The following LPGAT1 variants were observed in gnomAD, a reference collection of about 807,000 sequenced individuals.
LPGAT1 encodes the protein acyl-CoA:lysophosphatidylglycerol acyltransferase 1.
Under a neutral mutation model 47.5 loss-of-function variants are expected in LPGAT1, and 11 were observed. That is an observed-to-expected ratio of 0.23 (90% CI 0.15 to 0.38). The LOEUF is 0.38. Among genes scored for constraint, LPGAT1 ranks in the 10% least tolerant of loss-of-function variants. The probability of loss-of-function intolerance (pLI) is 1.00; values close to 1 mark genes in which losing one functional copy is unlikely to be tolerated. For synonymous variants in LPGAT1, 138 were observed against 144.2 expected (o/e 0.96, Z 0.31); for missense variants, 293 against 439.0 (o/e 0.67, Z 2.97).
At chr1:211,791,494 A>C (rs1349296952) in intron 3 of LPGAT1, among the ~76,000 whole-genome samples, 3 of 152,172 alleles carry the variant, frequency 2.0e-5, no homozygotes, top group Non-Finnish European at 2.9e-5. Context: ...CTGTAATCCC[A>C]GTACTATGGG....
In LPGAT1 at chr1:211,787,813, A is replaced by T. The variant is rs954981336; in HGVS notation, c.358-86T>A. 1.3e-4 allele frequency: 100 copies of T among 770,520 alleles called. 1 individual carries two copies. Among genetic ancestry groups the T allele is most frequent in the Admixed American group, 1.4e-4 (5 of 36,864 alleles). 47.7% of individuals were successfully genotyped at this position (770,520 alleles called of 1,614,324 possible). On this transcript the variant is annotated intron_variant, in intron 3 of 7. Coordinates refer to ENST00000366997, the MANE Select transcript of LPGAT1 (RefSeq NM_014873.3). ...GAGTCTCCAAGCTTTAAATATAATC[A>T]TCCAAGCATACTTTTAATTAACCAA... is the stretch of plus-strand genomic sequence containing the variant.
At chr1:211,811,049 T>G (rs532173804) in intron 2 of LPGAT1, among the ~76,000 whole-genome samples, 1 of 152,316 alleles carries the variant, frequency 6.6e-6, no homozygotes, top group Middle Eastern at 3.4e-3. Flanking sequence ...GGAGACACTA[T>G]TCAGCTCTAG....
chr1:211,811,590 C>G (rs1235975510), intron 2 of LPGAT1, among the ~76,000 whole-genome samples: 1 of 152,162 alleles, frequency 6.6e-6, no homozygotes, highest in Non-Finnish European at 1.5e-5. Flanking sequence ...AACTCCGTCT[C>G]TACAAAAAAT....
Position 211,798,230 on chromosome 1 carries a change from A to G in LPGAT1, c.239-5040T>C, listed in dbSNP as rs906880378. 4.7e-4 allele frequency among the ~76,000 whole-genome samples: 71 copies of G among 152,232 alleles called. 1 individual carries two copies. The highest frequency in any genetic ancestry group is 1.7e-3 in the African/African-American group (70 of 41,454). ...TCATTTTCTCACTTATGAAACAATA[A>G]TATCATTAATGCTACGTAAACATGT... On this transcript the variant is annotated intron_variant, in intron 2 of 7. Transcript: ENST00000366997.
At chr1:211,784,553 A>G (rs1465664094) in intron 4 of LPGAT1, among the ~76,000 whole-genome samples, 1 of 151,914 alleles carries the variant, frequency 6.6e-6, no homozygotes, top group Non-Finnish European at 1.5e-5. Flanking sequence ...AAAAGACCAC[A>G]GGAGATAAGT....
chr1:211,830,184 T>TCGGCGGGCGCGGA lies in LPGAT1; in HGVS notation c.-28+376_-28+388dup, dbSNP rs1660683365. The TCGGCGGGCGCGGA allele has an allele frequency of 6.1e-6, 6 of 982,478 alleles. No individual in the cohort carries two copies. Among genetic ancestry groups the TCGGCGGGCGCGGA allele is most frequent in the Non-Finnish European group, 7.2e-6 (6 of 828,966 alleles). The allele number at this position is 982,478 out of a possible 1,614,324, so 60.9% of individuals were successfully genotyped here. A position where few individuals can be genotyped will look rare whatever the true frequency, so the allele number is the denominator to read the frequency against. The stretch of plus-strand genomic sequence containing the variant: ...GCGCGGCCCGCGCGCCGGGCTCACC[T>TCGGCGGGCGCGGA]CGGCGGGCGCGGACGGCGGGCGGCT... On this transcript the variant is annotated intron_variant, in intron 1 of 7. Coordinates refer to ENST00000366997, the MANE Select transcript of LPGAT1 (RefSeq NM_014873.3). This position sits in a 1 kb window ranked among gnomAD's most constrained non-coding sequence, Gnocchi z 5.9.
rs149156968 is a variant in LPGAT1, at chr1:211,749,932, G to A, written c.1080C>T (p.Asn360=). Residue 360 remains asparagine, a synonymous_variant, in exon 8 of 8, where the codon AAC becomes AAT. Coordinates refer to ENST00000366997, the MANE Select transcript of LPGAT1 (RefSeq NM_014873.3). ...FAFLSGYMWY[N]IIQYFYHCLF is the part of the protein sequence containing the mutation. ...GGCAATGGTAAAAATACTGAATGAT[G>A]TTGTACCACATATAGCCTGACAAAA... is the stretch of plus-strand genomic sequence containing the variant. 4 of 1,614,004 alleles carry A rather than the reference G, an allele frequency of 2.5e-6. No homozygotes were observed. The highest frequency in any genetic ancestry group is 3.4e-6 in the Non-Finnish European group (4 of 1,179,948).
chr1:211,772,833 G>C (rs1658236746), intron 6 of LPGAT1, among the ~76,000 whole-genome samples: 1 of 152,118 alleles, frequency 6.6e-6, no homozygotes, highest in Non-Finnish European at 1.5e-5. Flanking sequence ...CCCCTAAAAT[G>C]TATAAAAACT....
chr1:211,766,186 C>T (rs1657905961), intron 6 of LPGAT1, among the ~76,000 whole-genome samples: 2 of 152,130 alleles, frequency 1.3e-5, no homozygotes. Flanking sequence ...GGCTTTCAGA[C>T]TTAGACTAGA....
chr1:211,796,596 A>C (rs1490954033), intron 2 of LPGAT1, among the ~76,000 whole-genome samples: 1 of 151,996 alleles, frequency 6.6e-6, no homozygotes, highest in Non-Finnish European at 1.5e-5. Flanking sequence ...CTGCTGTAAA[A>C]CCCACTTTGT....
chr1:211,783,117 C>T (rs1017101338), intron 5 of LPGAT1, 112 bp downstream of exon 5: 2 of 965,992 alleles, frequency 2.1e-6, no homozygotes, highest in Non-Finnish European at 2.9e-6. Context: ...TCATCTTCTC[C>T]CTATTATTTT....
Position 211,830,369 on chromosome 1 carries a change from C to G in LPGAT1, c.-28+204G>C. 1.7e-6 allele frequency: 2 copies of G among 1,163,056 alleles called. No homozygotes were observed. Among genetic ancestry groups the G allele is most frequent in the South Asian group, 8.7e-5 (2 of 22,944 alleles). The allele number at this position is 1,163,056 out of a possible 1,614,324, so 72.0% of individuals were successfully genotyped here. ...GACGGCGGGGACTCAGAGGCCGGAC[C>G]TGTCACCCGGGCGGGTCCCGGGGAG... On this transcript the variant is annotated intron_variant, in intron 1 of 7. Transcript: ENST00000366997. This position sits in a 1 kb window ranked among gnomAD's most constrained non-coding sequence, Gnocchi z 5.9.
At chr1:211,781,655 C>T (rs1658648867) in intron 5 of LPGAT1, among the ~76,000 whole-genome samples, 1 of 152,158 alleles carries the variant, frequency 6.6e-6, no homozygotes, top group African/African-American at 2.4e-5. Context: ...CTTAAAAACA[C>T]ATTGTTTCTG....
At chr1:211,776,914 A>G (rs1206910150) in intron 6 of LPGAT1, among the ~76,000 whole-genome samples, 2 of 152,130 alleles carry the variant, frequency 1.3e-5, no homozygotes, top group Non-Finnish European at 2.9e-5. Flanking sequence ...AGTTGATACT[A>G]CCCAGTTTTT....
chr1:211,818,844 G>A (rs895924565), intron 2 of LPGAT1, among the ~76,000 whole-genome samples: 14 of 152,200 alleles, frequency 9.2e-5, no homozygotes, highest in African/African-American at 3.4e-4. Flanking sequence ...TAGAGTGGAT[G>A]TCTTAAACAT....
chr1:211,786,941 C>A (rs10863923), intron 4 of LPGAT1, among the ~76,000 whole-genome samples: 12,969 of 152,010 alleles, frequency 0.085, 1,270 homozygotes, highest in East Asian at 0.52. Flanking sequence ...TTCATTTAAT[C>A]CCCACAACAA....
chr1:211,819,580 T>C (rs758486354), intron 2 of LPGAT1, among the ~76,000 whole-genome samples: 7 of 152,242 alleles, frequency 4.6e-5, no homozygotes, highest in East Asian at 1.9e-4. Flanking sequence ...AAACAAGGCA[T>C]ACAATCTATG....
intron 6 of LPGAT1, among the ~76,000 whole-genome samples, chr1:211,751,952 C>A (rs759575916): frequency 3.0e-4 from 45 of 152,142 alleles, no homozygotes; most frequent in Admixed American, 1.6e-3. Context: ...TCTCTACTGA[C>A]TTCCCAGTAT....
intron 6 of LPGAT1, among the ~76,000 whole-genome samples, chr1:211,752,410 G>A (rs1027735347): frequency 6.6e-6 from 1 of 151,604 alleles, no homozygotes; most frequent in African/African-American, 2.4e-5. Flanking sequence ...CTTGATCTGA[G>A]TCACGAAGCA....
Sources: allele counts gnomAD v4.1 joint callset (sites outside exome capture counted in the v4.1 genomes callset), GRCh38; gene constraint gnomAD v4.1.1; non-coding constraint Gnocchi (gnomAD v3.1); transcripts MANE v1.5; gene names NCBI Gene and HGNC (gene_info 2026-07-23, HGNC 2026-07-21).